TTC6: variants seen among roughly 807,000 people sequenced by gnomAD.
TTC6 encodes the protein tetratricopeptide repeat protein 6.
In TTC6, 172 loss-of-function variants were observed where a neutral mutation model predicts 210.4. The observed-to-expected ratio is 0.82, with a 90% CI of 0.72 to 0.93. TTC6 has a LOEUF of 0.93. Among genes scored for constraint, TTC6 ranks in the 40% least tolerant of loss-of-function variants. The pLI, the probability that TTC6 is intolerant of heterozygous loss-of-function variation, is 0.00. For missense variants in TTC6, 2,414 were observed against 2,318.1 expected, an observed-to-expected ratio of 1.04 and a Z score of -0.85; for synonymous variants, 804 against 819.6, an observed-to-expected ratio of 0.98 and a Z score of 0.32.
At chr14:37,705,422 C>T (rs757742283) in intron 5 of TTC6, among the ~76,000 whole-genome samples, 1 of 152,072 alleles carries the variant, frequency 6.6e-6, no homozygotes. Context: ...TACTCAAAAT[C>T]TTGCCATTTA....
At chr14:37,744,880 G>A (rs575249486) in intron 10 of TTC6, among the ~76,000 whole-genome samples, 1 of 152,044 alleles carries the variant, frequency 6.6e-6, no homozygotes, top group African/African-American at 2.4e-5. Context: ...AATAATCTAG[G>A]TGAGAAATAG....
intron 2 of TTC6, 75 bp from the exon 5 acceptor site, chr14:37,682,683 A>G: frequency 8.1e-7 from 1 of 1,228,780 alleles, no homozygotes; most frequent in Non-Finnish European, 1.1e-6. Context: ...GTCAGATAGA[A>G]ACTGTTGCAT....
intron 6 of TTC6, among the ~76,000 whole-genome samples, chr14:37,719,024 A>C (rs80108809): frequency 2.0e-5 from 3 of 152,244 alleles, no homozygotes; most frequent in East Asian, 1.9e-4. Context: ...TACAAAAAAA[A>C]CCATGAATAA....
chr14:37,757,647 A>G (rs2095972081), intron 14 of TTC6, among the ~76,000 whole-genome samples: 1 of 152,076 alleles, frequency 6.6e-6, no homozygotes, highest in African/African-American at 2.4e-5. Flanking sequence ...TCCTGGATTC[A>G]TTGATTATTT....
intron 1 of TTC6, among the ~76,000 whole-genome samples, chr14:37,670,118 G>A (rs1409046357): frequency 6.6e-6 from 1 of 152,138 alleles, no homozygotes. Context: ...TAGGTTAGAT[G>A]TTATTAAATA....
At chr14:37,767,562 A>AT (rs2096003269) in intron 14 of TTC6, among the ~76,000 whole-genome samples, 1 of 151,938 alleles carries the variant, frequency 6.6e-6, no homozygotes. Flanking sequence ...GATGATGAAC[A>AT]TTTTTTCATG....
chr14:37,793,550 A>G (rs1049321601), intron 17 of TTC6, among the ~76,000 whole-genome samples: 1 of 152,192 alleles, frequency 6.6e-6, no homozygotes, highest in Non-Finnish European at 1.5e-5. Flanking sequence ...GACCTAGGGC[A>G]GGTTCAATGT....
intron 10 of TTC6, among the ~76,000 whole-genome samples, chr14:37,747,671 C>A (rs1222950522): frequency 6.6e-6 from 1 of 152,102 alleles, no homozygotes; most frequent in Non-Finnish European, 1.5e-5. Context: ...AAGACAGAGA[C>A]CAGGCGATCC....
chr14:37,677,433 AG>A (rs1014924451), intron 1 of TTC6, among the ~76,000 whole-genome samples: 1 of 152,008 alleles, frequency 6.6e-6, no homozygotes, highest in Non-Finnish European at 1.5e-5. Flanking sequence ...TAGCTCTAGT[AG>A]GTTTTTTTTG....
intron 7 of TTC6, among the ~76,000 whole-genome samples, chr14:37,734,880 G>A (rs1407860028): frequency 2.0e-5 from 3 of 152,040 alleles, no homozygotes; most frequent in African/African-American, 7.2e-5. Flanking sequence ...ATGAAGCACG[G>A]TACTAAGGTT....
intron 5 of TTC6, among the ~76,000 whole-genome samples, chr14:37,712,108 C>G (rs1266183554): frequency 1.3e-5 from 2 of 152,126 alleles, no homozygotes; most frequent in African/African-American, 4.8e-5. Context: ...CCACCAAGGC[C>G]CCCATTCATG....
At chr14:37,597,281 C>T (rs2095606473) in intron 1 of TTC6, among the ~76,000 whole-genome samples, 1 of 152,054 alleles carries the variant, frequency 6.6e-6, no homozygotes, top group Non-Finnish European at 1.5e-5. Flanking sequence ...GGGCCTGATC[C>T]GGGGGACTTT....
intron 1 of TTC6, among the ~76,000 whole-genome samples, chr14:37,676,174 C>G (rs2095768840): frequency 6.6e-6 from 1 of 151,922 alleles, no homozygotes; most frequent in South Asian, 2.1e-4. Context: ...TGAGAAATGC[C>G]AAAGTTGTTG....
intron 14 of TTC6, among the ~76,000 whole-genome samples, chr14:37,759,268 A>T (rs1566935370): frequency 6.6e-6 from 1 of 151,856 alleles, no homozygotes; most frequent in Non-Finnish European, 1.5e-5. Context: ...ATCTCAAAAA[A>T]AAAAAAAGAA....
intron 14 of TTC6, among the ~76,000 whole-genome samples, chr14:37,775,787 G>A (rs1157990676): frequency 6.6e-6 from 1 of 152,150 alleles, no homozygotes; most frequent in East Asian, 1.9e-4. Context: ...CTTGCTTTAT[G>A]AATCTAGGTC....
At chr14:37,749,979 T>A in intron 12 of TTC6, 136 bp downstream of exon 14, 1 of 513,558 alleles carries the variant, frequency 1.9e-6, no homozygotes, top group South Asian at 8.6e-5. Context: ...TTTTTTACTC[T>A]TGTTATTGTA....
chr14:37,690,134 A>G (rs953665327), intron 3 of TTC6, among the ~76,000 whole-genome samples: 2 of 152,094 alleles, frequency 1.3e-5, no homozygotes, highest in African/African-American at 2.4e-5. Context: ...TGTTTATGCA[A>G]ACAGTGTTAG....
chr14:37,727,291 A>ATT (rs368293440), intron 7 of TTC6, among the ~76,000 whole-genome samples: 962 of 92,138 alleles, frequency 0.01, 6 homozygotes, highest in Non-Finnish European at 0.013. Flanking sequence ...TATTTTTCTA[A>ATT]TTTTTTTTTT....
chr14:37,827,768 G>C (rs181689720), intron 29 of TTC6: 1 of 154,296 alleles, frequency 6.5e-6, no homozygotes, highest in African/African-American at 2.4e-5. Context: ...GTTTTCTCAT[G>C]CTCCTTGATA....
Sources: gnomAD v4.1 joint callset for allele counts (sites outside exome capture counted in the v4.1 genomes callset) on GRCh38, gnomAD v4.1.1 for gene constraint, MANE v1.5 for transcripts, NCBI Gene and HGNC (gene_info 2026-07-23, HGNC 2026-07-21) for gene names.